Variants in ACTR3C observed in about 807,000 individuals in gnomAD.
The protein encoded by ACTR3C is actin related protein 3C, also known as actin-related protein 3C.
A neutral mutation model predicts 26.3 loss-of-function variants in ACTR3C; 18 were observed. That is an observed-to-expected ratio of 0.68 (90% CI 0.47 to 1.01). The LOEUF is 1.01. Ranked by LOEUF, ACTR3C falls within the 50% of genes least tolerant of loss-of-function variation. The pLI, the probability that ACTR3C is intolerant of heterozygous loss-of-function variation, is 0.00. For synonymous variants in ACTR3C, 55 were observed against 94.5 expected, an observed-to-expected ratio of 0.58 and a Z score of 2.42; for missense variants, 184 against 250.7, an observed-to-expected ratio of 0.73 and a Z score of 1.80.
At chr7:150,006,683 C>G in the ACTR3C span, among the ~76,000 whole-genome samples, 174 of 151,686 alleles carry the variant, frequency 1.1e-3, no homozygotes, top group Middle Eastern at 6.8e-3. Flanking sequence ...CTTCTCAGCT[C>G]AACGGACCAG....
chr7:150,196,820 G>A, the ACTR3C span, among the ~76,000 whole-genome samples: 12 of 152,144 alleles, frequency 7.9e-5, no homozygotes, highest in East Asian at 2.1e-3. Flanking sequence ...TCAGTACCTT[G>A]GGTTTAGGAT....
chr7:150,113,245 C>CA, the ACTR3C span, among the ~76,000 whole-genome samples: 22,217 of 122,322 alleles, frequency 0.18, 1,781 homozygotes, highest in South Asian at 0.27. Context: ...TTTCTGAGGG[C>CA]AAAAAAAAAA....
the ACTR3C span, among the ~76,000 whole-genome samples, chr7:149,920,201 C>T: frequency 1.3e-5 from 2 of 152,052 alleles, no homozygotes; most frequent in Non-Finnish European, 2.9e-5. Flanking sequence ...TTTATGAATG[C>T]CATTAATTCC....
the ACTR3C span, among the ~76,000 whole-genome samples, chr7:150,127,740 T>C: frequency 3.3e-5 from 5 of 152,204 alleles, no homozygotes; most frequent in Middle Eastern, 3.4e-3. Context: ...AATTATTTAT[T>C]AAAGTAAACC....
chr7:150,115,872 T>C, the ACTR3C span, among the ~76,000 whole-genome samples: 2 of 152,202 alleles, frequency 1.3e-5, no homozygotes, highest in African/African-American at 2.4e-5. Context: ...GGCCACTTTA[T>C]CCCTAGTGCA....
At chr7:150,288,789 C>T (rs1835981748) in intron 4 of ACTR3C, among the ~76,000 whole-genome samples, 1 of 145,894 alleles carries the variant, frequency 6.9e-6, no homozygotes, top group Non-Finnish European at 1.5e-5. Flanking sequence ...ATCTCTGGTC[C>T]CAGGTAAAGC....
At chr7:150,091,011 G>T in the ACTR3C span, among the ~76,000 whole-genome samples, 1 of 152,014 alleles carries the variant, frequency 6.6e-6, no homozygotes, top group Non-Finnish European at 1.5e-5. Flanking sequence ...TGAAAGGATA[G>T]CAGGAATTAA....
chr7:149,952,612 T>C, the ACTR3C span, among the ~76,000 whole-genome samples: 1 of 147,176 alleles, frequency 6.8e-6, no homozygotes, highest in Admixed American at 6.6e-5. Flanking sequence ...AATAAATGAG[T>C]GAATTAATGA....
chr7:150,100,299 C>G, the ACTR3C span, among the ~76,000 whole-genome samples: 3 of 151,248 alleles, frequency 2.0e-5, no homozygotes, highest in East Asian at 1.9e-4. Context: ...TCATCCTGCT[C>G]TCAGCAGACA....
the ACTR3C span, among the ~76,000 whole-genome samples, chr7:150,170,440 CAT>C: frequency 0.48 from 71,630 of 148,558 alleles, 19,019 homozygotes; most frequent in East Asian, 0.7. Context: ...CTGGAATCCA[CAT>C]GTGATGATAT....
At chr7:150,290,486 T>TA (rs1306225685) in intron 3 of ACTR3C, among the ~76,000 whole-genome samples, 1 of 152,090 alleles carries the variant, frequency 6.6e-6, no homozygotes, top group Non-Finnish European at 1.5e-5. Context: ...GATCATCCGG[T>TA]AAAGACACTC....
At chr7:150,180,667 C>T in the ACTR3C span, among the ~76,000 whole-genome samples, 10 of 149,062 alleles carry the variant, frequency 6.7e-5, no homozygotes, top group Non-Finnish European at 1.0e-4. Flanking sequence ...CGCGCGCCAC[C>T]ACGCCTGGCT....
the ACTR3C span, among the ~76,000 whole-genome samples, chr7:150,058,386 C>A: frequency 4.6e-5 from 7 of 152,190 alleles, no homozygotes; most frequent in Non-Finnish European, 1.0e-4. Flanking sequence ...CATATCCCTT[C>A]TCACTTATTT....
the ACTR3C span, among the ~76,000 whole-genome samples, chr7:149,898,941 C>T: frequency 6.6e-6 from 1 of 151,654 alleles, no homozygotes; most frequent in Non-Finnish European, 1.5e-5. Context: ...TCTATGTCAC[C>T]CAAGCTATCT....
chr7:149,929,722 G>C, the ACTR3C span, among the ~76,000 whole-genome samples: 1 of 151,830 alleles, frequency 6.6e-6, no homozygotes, highest in Non-Finnish European at 1.5e-5. Flanking sequence ...GTAGAGACGG[G>C]GTTTCACCAT....
chr7:149,997,671 A>G, the ACTR3C span, among the ~76,000 whole-genome samples: 1 of 149,906 alleles, frequency 6.7e-6, no homozygotes, highest in Non-Finnish European at 1.5e-5. Flanking sequence ...ATGAGCCCCT[A>G]TCCTTACATG....
the ACTR3C span, among the ~76,000 whole-genome samples, chr7:150,049,494 C>CTG: frequency 6.6e-6 from 1 of 152,246 alleles, no homozygotes; most frequent in Admixed American, 6.5e-5. Flanking sequence ...GCTAAGGCTC[C>CTG]CTGCTCCTTC....
At chr7:149,922,063 G>A in the ACTR3C span, among the ~76,000 whole-genome samples, 134,427 of 141,694 alleles carry the variant, frequency 0.95, 63,900 homozygotes, top group South Asian at 1. Context: ...TGCTTGCTCA[G>A]TAACAACTCT....
the ACTR3C span, among the ~76,000 whole-genome samples, chr7:150,108,074 A>G: frequency 1.3e-5 from 2 of 150,494 alleles, no homozygotes; most frequent in Non-Finnish European, 1.5e-5. Flanking sequence ...TGGGCTCTCC[A>G]TAGTGATCTG....
Sources: gnomAD v4.1 joint callset for allele counts (sites outside exome capture counted in the v4.1 genomes callset) on GRCh38, gnomAD v4.1.1 for gene constraint, MANE v1.5 for transcripts, NCBI Gene and HGNC (gene_info 2026-07-23, HGNC 2026-07-21) for gene names.